Variants in FXYD6 observed in about 807,000 individuals in gnomAD.
The protein encoded by FXYD6 is FXYD domain containing ion transport regulator 6, also known as FXYD domain-containing ion transport regulator 6.
In FXYD6, 7 loss-of-function variants were observed where a neutral mutation model predicts 16.7. The ratio of observed to expected loss-of-function variants is 0.42; its 90% CI spans 0.24 to 0.79. FXYD6 has a LOEUF of 0.79. Among genes scored for constraint, FXYD6 ranks in the 30% least tolerant of loss-of-function variants. FXYD6 has a pLI of 0.28. For synonymous variants in FXYD6, 49 were observed against 43.0 expected, an observed-to-expected ratio of 1.14 and a Z score of -0.54; for missense variants, 111 against 116.2, an observed-to-expected ratio of 0.95 and a Z score of 0.21.
Position 117,840,345 on chromosome 11 carries a change from T to G in FXYD6, c.233A>C (p.Gln78Pro), listed in dbSNP as rs1591550243. 1 of 1,614,064 alleles carries G rather than the reference T, an allele frequency of 6.2e-7. No individual in the cohort carries two copies. The highest frequency in any genetic ancestry group is 1.3e-5 in the African/African-American group (1 of 74,918). ...ATTGGCGGTGATGAGGTTCTCCACCTGGGCTTCCTCATCTCCTGGGGCCCT... is the reference window on the plus strand; with the variant it reads ...ATTGGCGGTGATGAGGTTCTCCACCGGGGCTTCCTCATCTCCTGGGGCCCT... Reference protein sequence around the residue: ...KPRAPGDEEAQVENLITANAT... With the variant: ...KPRAPGDEEAPVENLITANAT... The change falls in exon 6 of 8, where the codon CAG (glutamine) becomes CCG (proline). Residue 78 changes from glutamine (Q) to proline (P), a missense_variant. Coordinates refer to ENST00000526014, the MANE Select transcript of FXYD6 (RefSeq NM_022003.4).
chr11:117,858,701 T>TTCTCTCTC (rs201736623), intron 1 of FXYD6, among the ~76,000 whole-genome samples: 3 of 58,344 alleles, frequency 5.1e-5, no homozygotes, highest in African/African-American at 2.5e-4. Flanking sequence ...CTTTCTTTCT[T>TTCTCTCTC]TCTCTCTCTC....
chr11:117,849,317 T>C (rs2056549112), intron 1 of FXYD6, among the ~76,000 whole-genome samples: 1 of 152,226 alleles, frequency 6.6e-6, no homozygotes, highest in Non-Finnish European at 1.5e-5. Context: ...TTTGCTTTTG[T>C]TATTGACTTC....
intron 1 of FXYD6, among the ~76,000 whole-genome samples, chr11:117,846,018 A>G (rs1399089221): frequency 1.3e-5 from 2 of 152,198 alleles, no homozygotes; most frequent in African/African-American, 4.8e-5. Context: ...CAATGATTTA[A>G]AATTGTTTCC....
chr11:117,876,368 CT>C (rs2057265786), intron 1 of FXYD6, among the ~76,000 whole-genome samples: 1 of 152,198 alleles, frequency 6.6e-6, no homozygotes, highest in Non-Finnish European at 1.5e-5. Context: ...CCTGCCTCCC[CT>C]AGAGGCTCCT....
chr11:117,841,669 C>T (rs373671568), intron 4 of FXYD6, 122 bp downstream of exon 4: 40 of 1,069,138 alleles, frequency 3.7e-5, no homozygotes, highest in African/African-American at 2.5e-4. Flanking sequence ...GAAGATAACA[C>T]GGAGGGCAGG....
chr11:117,842,220 A>G, intron 2 of FXYD6, 192 bp from the exon 3 acceptor site: 1 of 698,710 alleles, frequency 1.4e-6, no homozygotes, highest in Non-Finnish European at 2.4e-6. Context: ...CTAAGGGCCG[A>G]GGTCAGTGAA....
At chr11:117,867,033 T>G (rs1432434643) in intron 1 of FXYD6, among the ~76,000 whole-genome samples, 2 of 152,210 alleles carry the variant, frequency 1.3e-5, no homozygotes, top group Non-Finnish European at 2.9e-5. Context: ...CTCCCAATCC[T>G]AACAGTCATT....
chr11:117,841,222 G>C, intron 4 of FXYD6, 38 bp from the exon 5 acceptor site: 1 of 1,613,944 alleles, frequency 6.2e-7, no homozygotes. Context: ...CATGCTGCTG[G>C]CTTGGCCACA....
In FXYD6 at chr11:117,858,692, TTTCTTTCTTTC is replaced by T. The variant is rs1565323620; in HGVS notation, c.-5-15922_-5-15912del. 3.2e-3 allele frequency among the ~76,000 whole-genome samples: 248 copies of T among 78,654 alleles called. 6 individuals carry two copies. Among genetic ancestry groups the T allele is most frequent in the African/African-American group, 0.014 (228 of 16,638 alleles). 51.6% of individuals were successfully genotyped at this position (78,654 alleles called of 152,430 possible). On this transcript the variant is annotated intron_variant, in intron 1 of 7. Transcript: ENST00000526014. ...CTTTCTTTCTTTCTTTCTTTCTTTC[TTTCTTTCTTTC>T]TCTCTCTCTCTCCTTCCTTCCCTTC...
Position 117,839,811 on chromosome 11 carries a change from T to C in FXYD6, c.279A>G (p.Ala93=). 1.2e-6 allele frequency: 2 copies of C among 1,614,214 alleles called. No individual in the cohort carries two copies. The highest frequency in any genetic ancestry group is 1.7e-6 in the Non-Finnish European group (2 of 1,180,032). ...ACCTGATGGCTGCACTTCAGTTCTCTGCTTTCTGGGGCTCTGTTGCTGGAA... is the reference window on the plus strand; with the variant it reads ...ACCTGATGGCTGCACTTCAGTTCTCCGCTTTCTGGGGCTCTGTTGCTGGAA... ...ITANATEPQK[A]EN The change falls in exon 7 of 8, where the codon GCA becomes GCG. Residue 93 remains alanine, a synonymous_variant. Coordinates refer to ENST00000526014, the MANE Select transcript of FXYD6 (RefSeq NM_022003.4).
chr11:117,870,847 A>G lies in FXYD6; in HGVS notation c.-6+5745T>C, dbSNP rs1025540792. Reference sequence around the variant, plus strand: ...TGTCACCAGTGTATGCCCCCATCACACCATAGCTCCCTGGGAGCACAGGCA... The same window carrying G: ...TGTCACCAGTGTATGCCCCCATCACGCCATAGCTCCCTGGGAGCACAGGCA... On this transcript the variant is annotated intron_variant, in intron 1 of 7. Coordinates refer to ENST00000526014, the MANE Select transcript of FXYD6 (RefSeq NM_022003.4). The surrounding 1 kb of genome is among the most constrained non-coding windows in gnomAD (Gnocchi z 4.2). 1.3e-5 allele frequency among the ~76,000 whole-genome samples: 2 copies of G among 151,986 alleles called. No homozygotes were observed. The highest frequency in any genetic ancestry group is 4.8e-5 in the African/African-American group (2 of 41,370).
chr11:117,848,748 T>C (rs2056536396), intron 1 of FXYD6, among the ~76,000 whole-genome samples: 1 of 152,210 alleles, frequency 6.6e-6, no homozygotes, highest in South Asian at 2.1e-4. Flanking sequence ...CTTTAATAAA[T>C]TTAGTGAGTT....
At chr11:117,841,329 C>T (rs866194798) in intron 4 of FXYD6, 145 bp from the exon 5 acceptor site, 12 of 1,021,470 alleles carry the variant, frequency 1.2e-5, no homozygotes, top group East Asian at 2.6e-5. Context: ...CAGTGGCCCT[C>T]GGATGGGGTA....
intron 1 of FXYD6, among the ~76,000 whole-genome samples, chr11:117,857,674 T>C (rs900919066): frequency 6.6e-6 from 1 of 152,160 alleles, no homozygotes; most frequent in Non-Finnish European, 1.5e-5. Context: ...CCCAAAGTGC[T>C]GGAATTACAG....
intron 1 of FXYD6, among the ~76,000 whole-genome samples, chr11:117,861,365 G>C (rs2056903389): frequency 6.6e-6 from 1 of 152,228 alleles, no homozygotes; most frequent in Non-Finnish European, 1.5e-5. Flanking sequence ...GACAGGTACA[G>C]AGCTGGCAGG....
chr11:117,856,252 T>A (rs1036144013), intron 1 of FXYD6, among the ~76,000 whole-genome samples: 2 of 151,704 alleles, frequency 1.3e-5, no homozygotes, highest in Admixed American at 6.6e-5. Flanking sequence ...ACATGCTCTA[T>A]TATTTTTGAT....
Position 117,842,025 on chromosome 11 carries a change from G to C in FXYD6, c.62C>G (p.Ala21Gly). Reference sequence around the variant, plus strand: ...AGGGTCCATTTCCTTCTCCTTTTCAGCTGCTGCAAAAACAAACAGTTGGTC... The same window carrying C: ...AGGGTCCATTTCCTTCTCCTTTTCACCTGCTGCAAAAACAAACAGTTGGTC... Reference protein sequence around the residue: ...LLAPMVLASAAEKEKEMDPFH... With the variant: ...LLAPMVLASAGEKEKEMDPFH... The change falls in exon 3 of 8, where the codon GCT becomes GGT. Residue 21 changes from alanine (A) to glycine (G), a missense_variant. Ala to Gly is a moderately conservative substitution (Grantham distance 60, BLOSUM62 0). Coordinates refer to ENST00000526014, the MANE Select transcript of FXYD6 (RefSeq NM_022003.4). 6.2e-7 allele frequency: 1 copy of C among 1,614,162 alleles called. No homozygotes were observed.
intron 7 of FXYD6, 123 bp downstream of exon 7, chr11:117,839,658 G>T: frequency 1.7e-6 from 2 of 1,173,702 alleles, no homozygotes; most frequent in Non-Finnish European, 2.5e-6. Flanking sequence ...TCAGGGCAGG[G>T]CCCATAATAA....
intron 1 of FXYD6, among the ~76,000 whole-genome samples, chr11:117,852,922 C>CT (rs1446275945): frequency 6.6e-6 from 1 of 152,164 alleles, no homozygotes; most frequent in Non-Finnish European, 1.5e-5. Context: ...CACTCATTTA[C>CT]TTTTGTGTTT....
Sources: gnomAD v4.1 joint callset for allele counts (sites outside exome capture counted in the v4.1 genomes callset) on GRCh38, gnomAD v4.1.1 for gene constraint, Gnocchi (gnomAD v3.1) non-coding constraint, MANE v1.5 for transcripts, NCBI Gene and HGNC (gene_info 2026-07-23, HGNC 2026-07-21) for gene names.